SCUBE1: variants seen among roughly 807,000 people sequenced by gnomAD.
SCUBE1 encodes signal peptide, CUB and EGF-like domain-containing protein 1.
In SCUBE1, 59 loss-of-function variants were observed where a neutral mutation model predicts 124.4. The observed-to-expected ratio is 0.47, with a 90% CI of 0.38 to 0.59. SCUBE1 has a LOEUF of 0.59. Ranked by LOEUF, SCUBE1 falls within the 20% of genes least tolerant of loss-of-function variation. The probability of loss-of-function intolerance (pLI) is 0.00; values close to 1 mark genes in which losing one functional copy is unlikely to be tolerated. For synonymous variants in SCUBE1, 545 were observed against 550.9 expected (o/e 0.99, Z 0.15); for missense variants, 1,150 against 1,371.2 (o/e 0.84, Z 2.55).
At chr22:43,209,921 C>T in intron 19 of SCUBE1, 122 bp downstream of exon 19, 2 of 1,087,788 alleles carry the variant, frequency 1.8e-6, no homozygotes, top group Non-Finnish European at 2.6e-6. Context: ...GGCTGGTCCT[C>T]TGAGCCCCAG....
intron 6 of SCUBE1, among the ~76,000 whole-genome samples, chr22:43,257,990 C>T (rs1923723932): frequency 6.6e-6 from 1 of 152,228 alleles, no homozygotes; most frequent in South Asian, 2.1e-4. Flanking sequence ...GAACACAAAG[C>T]AGAAAAGCCT....
intron 7 of SCUBE1, 117 bp downstream of exon 7, chr22:43,238,721 C>T: frequency 2.4e-6 from 2 of 847,196 alleles, no homozygotes; most frequent in Non-Finnish European, 4.1e-6. Context: ...CGTGTCCTTT[C>T]CCACAGCTAC....
chr22:43,327,642 C>A (rs1276766649), intron 2 of SCUBE1, among the ~76,000 whole-genome samples: 3 of 152,018 alleles, frequency 2.0e-5, no homozygotes, highest in Admixed American at 6.6e-5. Flanking sequence ...AAAAAATTAG[C>A]CAGGCATGGT....
rs146319577 is a variant in SCUBE1 at position 43,207,446 on chromosome 22, G to A, written c.2814+88C>T. Reference sequence around the variant, plus strand: ...CCACCCACCCTCCCTTGCTCCTCCAGGGGCCAGGGCTGGGGCAGGGGCGGT... The same window carrying A: ...CCACCCACCCTCCCTTGCTCCTCCAAGGGCCAGGGCTGGGGCAGGGGCGGT... On this transcript the variant is annotated intron_variant, in intron 21 of 21. Transcript: ENST00000360835. 2,119 of 1,035,138 alleles carry A rather than the reference G, an allele frequency of 2.0e-3. 32 individuals are homozygous for A. Among genetic ancestry groups the A allele is most frequent in the South Asian group, 0.016 (1,219 of 78,080 alleles). 64.1% of individuals were successfully genotyped at this position (1,035,138 alleles called of 1,614,324 possible).
chr22:43,241,175 C>A (rs1922990308), intron 6 of SCUBE1, among the ~76,000 whole-genome samples: 1 of 152,184 alleles, frequency 6.6e-6, no homozygotes, highest in Non-Finnish European at 1.5e-5. Flanking sequence ...CTGGACGAGG[C>A]AGCTTGAGTT....
At position 43,218,440 on chromosome 22, in the gene SCUBE1, C is replaced by T. The variant is rs1921936104; in HGVS notation, c.1706G>A (p.Cys569Tyr). The change falls in exon 15 of 22, where the codon TGC becomes TAC. Residue 569 changes from cysteine to tyrosine, a missense_variant. By Grantham distance (194) the Cys-to-Tyr change is radical. Transcript: ENST00000360835. Reference sequence around the variant, plus strand: ...GCTCTGTTCTGCTCGCTTCCGCAAGCAGTCCGCTTCGCATGTGTCTGCAGG... The same window carrying T: ...GCTCTGTTCTGCTCGCTTCCGCAAGTAGTCCGCTTCGCATGTGTCTGCAGG... ...EEASDTCEAD[C>Y]LRKRAEQSLQ... 2 of 1,611,972 alleles carry T rather than the reference C, an allele frequency of 1.2e-6. No individual in the cohort carries two copies. Among genetic ancestry groups the T allele is most frequent in the African/African-American group, 1.3e-5 (1 of 74,952 alleles).
Position 43,238,854 on chromosome 22 carries a change from G to A in SCUBE1, c.828C>T (p.Asp276=), listed in dbSNP as rs752709203. Residue 276 remains aspartate, a synonymous_variant, in exon 7 of 22, where the codon GAC becomes GAT. Transcript: ENST00000360835. The part of the protein sequence containing the change: ...SCPVGFTLQP[D]GKTCKDINEC... Reference sequence around the variant, plus strand: ...CATGCTGACCTTTGCATGTCTTCCCGTCCGGCTGCAGTGTGAATCCAACGG... The same window carrying A: ...CATGCTGACCTTTGCATGTCTTCCCATCCGGCTGCAGTGTGAATCCAACGG... The A allele has an allele frequency of 2.4e-5, 38 of 1,612,964 alleles. No homozygotes were observed. Among genetic ancestry groups the A allele is most frequent in the East Asian group, 8.9e-5 (4 of 44,898 alleles).
At chr22:43,212,312 T>G in intron 17 of SCUBE1, 113 bp downstream of exon 17, 1 of 1,223,596 alleles carries the variant, frequency 8.2e-7, no homozygotes, top group Non-Finnish European at 1.1e-6. Flanking sequence ...GCTCCTCCTC[T>G]GAGCTGGGAG....
chr22:43,280,197 C>T (rs998206144), intron 4 of SCUBE1, among the ~76,000 whole-genome samples: 13 of 152,084 alleles, frequency 8.5e-5, no homozygotes, highest in Non-Finnish European at 1.2e-4. Context: ...CTGCCTTGAG[C>T]CCCAGGTCTC....
In SCUBE1 at chr22:43,218,557, T is replaced by G. The variant is rs891596772; in HGVS notation, c.1688-99A>C. On this transcript the variant is annotated intron_variant, in intron 14 of 21. Coordinates refer to ENST00000360835, the MANE Select transcript of SCUBE1 (RefSeq NM_173050.5). ...CCCCGTGCCAGGCCCTGCACTGGGC[T>G]CGGACCTCCTCAGCACATTCTCACA... 19 of 1,213,402 alleles carry G rather than the reference T, an allele frequency of 1.6e-5. No homozygotes were observed. In the African/African-American group the frequency reaches 2.4e-4, roughly 15 times the overall value. 75.2% of individuals were successfully genotyped at this position (1,213,402 alleles called of 1,614,324 possible).
At chr22:43,276,726 G>A (rs1924536853) in intron 4 of SCUBE1, among the ~76,000 whole-genome samples, 2 of 152,330 alleles carry the variant, frequency 1.3e-5, no homozygotes, top group East Asian at 3.9e-4. Flanking sequence ...TACGGTGTAG[G>A]GGGTGGGCAC....
chr22:43,327,106 C>T (rs976548010), intron 2 of SCUBE1, among the ~76,000 whole-genome samples: 10 of 152,282 alleles, frequency 6.6e-5, no homozygotes, highest in East Asian at 1.9e-4. Flanking sequence ...TGAACAATCA[C>T]GACGGTGGCC....
intron 2 of SCUBE1, among the ~76,000 whole-genome samples, chr22:43,336,053 T>A (rs1464657198): frequency 1.3e-5 from 2 of 152,134 alleles, no homozygotes; most frequent in Admixed American, 1.3e-4. Context: ...GACTTTGCCA[T>A]CTGTATATGG....
Position 43,203,119 on chromosome 22 carries a change from C to A in SCUBE1, c.*878G>T, listed in dbSNP as rs1921072468. On this transcript the variant is annotated 3_prime_UTR_variant, in exon 22 of 22. Coordinates refer to ENST00000360835, the MANE Select transcript of SCUBE1 (RefSeq NM_173050.5). ...CAACACTCCAGCAGAGCATCTGAGC[C>A]TAGTTCTCGAAGAATTCGTGTTCAG... is the stretch of plus-strand genomic sequence containing the variant. 6.6e-6 allele frequency: 1 copy of A among 152,188 alleles called. No homozygotes were observed. The highest frequency in any genetic ancestry group is 1.5e-5 in the Non-Finnish European group (1 of 68,046). 9.4% of individuals were successfully genotyped at this position (152,188 alleles called of 1,614,324 possible).
intron 3 of SCUBE1, among the ~76,000 whole-genome samples, chr22:43,309,712 C>T (rs1451801248): frequency 1.3e-5 from 2 of 152,178 alleles, no homozygotes; most frequent in East Asian, 3.9e-4. Flanking sequence ...TCCACCCCCA[C>T]ACCCAGTCTG....
At chr22:43,207,869 G>T (rs56288754) in intron 20 of SCUBE1, among the ~76,000 whole-genome samples, 5,984 of 152,318 alleles carry the variant, frequency 0.039, 147 homozygotes, top group South Asian at 0.058. Context: ...AGCCTGCAGA[G>T]GCCACTAACC....
At chr22:43,213,275 C>T (rs1375638994) in intron 16 of SCUBE1, 1 of 152,412 alleles carries the variant, frequency 6.6e-6, no homozygotes, top group African/African-American at 2.4e-5. Context: ...TGGCCACTCC[C>T]CCAGGGGTGG....
chr22:43,252,126 C>A (rs1923474453), intron 6 of SCUBE1, among the ~76,000 whole-genome samples: 1 of 152,262 alleles, frequency 6.6e-6, no homozygotes, highest in African/African-American at 2.4e-5. Context: ...TTACTCCGTT[C>A]TTCACCTGTG....
chr22:43,309,966 C>G (rs184678731), intron 3 of SCUBE1, among the ~76,000 whole-genome samples: 1 of 152,332 alleles, frequency 6.6e-6, no homozygotes, highest in East Asian at 1.9e-4. Context: ...GCTTAAGCCA[C>G]TCTGCCTCTC....
Sources: gnomAD v4.1 joint callset for allele counts (sites outside exome capture counted in the v4.1 genomes callset) on GRCh38, gnomAD v4.1.1 for gene constraint, MANE v1.5 for transcripts, NCBI Gene and HGNC (gene_info 2026-07-23, HGNC 2026-07-21) for gene names.